Variants in RHOH observed in about 807,000 individuals in gnomAD.
The protein encoded by RHOH is ras homolog family member H, also known as rho-related GTP-binding protein RhoH.
RHOH carries 6 observed loss-of-function variants against 13.8 expected under a neutral mutation model. The ratio of observed to expected loss-of-function variants is 0.44; its 90% CI spans 0.24 to 0.86. The LOEUF is 0.86. Among genes scored for constraint, RHOH ranks in the 40% least tolerant of loss-of-function variants. The pLI, the probability that RHOH is intolerant of heterozygous loss-of-function variation, is 0.24. For missense variants in RHOH, 147 were observed against 244.5 expected, an observed-to-expected ratio of 0.60 and a Z score of 2.66; for synonymous variants, 117 against 103.0, an observed-to-expected ratio of 1.14 and a Z score of -0.82.
At chr4:40,235,995 A>G (rs1728527849) in intron 1 of RHOH, among the ~76,000 whole-genome samples, 2 of 115,122 alleles carry the variant, frequency 1.7e-5, no homozygotes, top group South Asian at 2.5e-4. Flanking sequence ...GAAAAAAAAA[A>G]AAAGAAAAAA....
intron 1 of RHOH, among the ~76,000 whole-genome samples, chr4:40,203,555 AGTGTGT>A: frequency 6.6e-6 from 1 of 150,606 alleles, no homozygotes; most frequent in Admixed American, 6.6e-5. Flanking sequence ...AGAGAGAGAG[AGTGTGT>A]GTGTGTGTGT....
intron 1 of RHOH, among the ~76,000 whole-genome samples, chr4:40,199,922 C>A (rs372638884): frequency 2.6e-5 from 4 of 152,180 alleles, no homozygotes; most frequent in African/African-American, 9.7e-5. Context: ...ATCCACCTGG[C>A]ATGTTAATTG....
In RHOH at chr4:40,243,969, A is replaced by G. The variant is rs1377180527; in HGVS notation, c.*7A>G. The G allele has an allele frequency of 6.2e-6, 10 of 1,603,348 alleles. No individual in the cohort carries two copies. The highest frequency in any genetic ancestry group is 8.5e-6 in the Non-Finnish European group (10 of 1,173,850). ...TGAGTGCAAGATCTTCTAAACCCCAAGAGACTTCACACAACACTTATGTAT... is the reference window on the plus strand; with the variant it reads ...TGAGTGCAAGATCTTCTAAACCCCAGGAGACTTCACACAACACTTATGTAT... On this transcript the variant is annotated 3_prime_UTR_variant, in exon 3 of 3. Coordinates refer to ENST00000381799, the MANE Select transcript of RHOH (RefSeq NM_004310.5). The surrounding 1 kb of genome is among the most constrained non-coding windows in gnomAD (Gnocchi z 6.2).
chr4:40,238,147 A>G (rs544142464), intron 1 of RHOH, among the ~76,000 whole-genome samples: 2 of 151,768 alleles, frequency 1.3e-5, no homozygotes, highest in Non-Finnish European at 1.5e-5. Context: ...TCAAATGTAC[A>G]TAGAGGTATT....
Position 40,197,277 on chromosome 4 carries a change from C to G in RHOH, c.-354C>G, listed in dbSNP as rs185251479. 5 of 152,348 alleles carry G rather than the reference C, an allele frequency of 3.3e-5. No individual in the cohort carries two copies. Among genetic ancestry groups the G allele is most frequent in the African/African-American group, 1.2e-4 (5 of 41,576 alleles). The allele number at this position is 152,348 out of a possible 1,614,324, so 9.4% of individuals were successfully genotyped here. On this transcript the variant is annotated 5_prime_UTR_variant, in exon 1 of 3. Coordinates refer to ENST00000381799, the MANE Select transcript of RHOH (RefSeq NM_004310.5). ...GGAGTCAGTCATTTTACTGTCAAGA[C>G]ATTTCTTCGGCATTCTGCAACAGGT...
At chr4:40,220,465 G>A (rs1252986871) in intron 1 of RHOH, among the ~76,000 whole-genome samples, 1 of 151,998 alleles carries the variant, frequency 6.6e-6, no homozygotes, top group Non-Finnish European at 1.5e-5. Flanking sequence ...TATTCTCTGA[G>A]GTCCTAGCTA....
chr4:40,229,295 G>C (rs1156843226), intron 1 of RHOH, among the ~76,000 whole-genome samples: 1 of 152,066 alleles, frequency 6.6e-6, no homozygotes, highest in East Asian at 1.9e-4. Flanking sequence ...TTTCTCTTTT[G>C]GTGATGCTTT....
chr4:40,230,624 G>A (rs1727818918), intron 1 of RHOH, among the ~76,000 whole-genome samples: 1 of 151,744 alleles, frequency 6.6e-6, no homozygotes, highest in Non-Finnish European at 1.5e-5. Context: ...CTCCCAAAGT[G>A]CTGGGATTAC....
intron 1 of RHOH, among the ~76,000 whole-genome samples, chr4:40,228,233 G>A (rs1183974035): frequency 6.6e-6 from 1 of 151,844 alleles, no homozygotes; most frequent in African/African-American, 2.4e-5. Context: ...ATAAAGTATG[G>A]TATTCTTAGT....
At chr4:40,193,144 A>C (rs1722777448), upstream of RHOH, 1 of 152,400 alleles carries the variant, frequency 6.6e-6, no homozygotes, top group African/African-American at 2.4e-5. Context: ...TGGCCGTGTT[A>C]ACACGACGTG....
At chr4:40,227,630 G>A (rs1727411481) in intron 1 of RHOH, among the ~76,000 whole-genome samples, 1 of 152,032 alleles carries the variant, frequency 6.6e-6, no homozygotes, top group South Asian at 2.1e-4. Context: ...GGAATCTGGG[G>A]AATTCCCAGA....
upstream of RHOH, among the ~76,000 whole-genome samples, chr4:40,194,772 C>T (rs1007350214): frequency 5.9e-5 from 9 of 152,192 alleles, no homozygotes; most frequent in African/African-American, 1.7e-4. Context: ...CTCTCCCTGC[C>T]GCACACCCTG....
chr4:40,205,360 A>G (rs1436157469), intron 1 of RHOH, among the ~76,000 whole-genome samples: 1 of 152,214 alleles, frequency 6.6e-6, no homozygotes, highest in Non-Finnish European at 1.5e-5. Context: ...TAAGCAACGT[A>G]CTGGATACCC....
chr4:40,194,254 C>T (rs115854826), upstream of RHOH, among the ~76,000 whole-genome samples: 2,104 of 152,012 alleles, frequency 0.014, 38 homozygotes, highest in African/African-American at 0.048. Context: ...TTTAGGCTGA[C>T]GTCTCACTCT....
chr4:40,194,399 T>G (rs1360466080), upstream of RHOH, among the ~76,000 whole-genome samples: 3 of 152,070 alleles, frequency 2.0e-5, no homozygotes, highest in African/African-American at 7.2e-5. Flanking sequence ...TGGCTAATTT[T>G]TGTATTTTTA....
At chr4:40,222,821 T>C (rs961137646) in intron 1 of RHOH, among the ~76,000 whole-genome samples, 1 of 152,226 alleles carries the variant, frequency 6.6e-6, no homozygotes, top group African/African-American at 2.4e-5. Flanking sequence ...CTAGGCAAAG[T>C]AAATTTAAAA....
chr4:40,226,741 A>G (rs1579301977), intron 1 of RHOH, among the ~76,000 whole-genome samples: 1 of 152,352 alleles, frequency 6.6e-6, no homozygotes, highest in South Asian at 2.1e-4. Context: ...CTGCAAGTTA[A>G]GGGGTTATCC....
chr4:40,202,029 C>G (rs983675898), intron 1 of RHOH, among the ~76,000 whole-genome samples: 5 of 147,640 alleles, frequency 3.4e-5, no homozygotes, highest in African/African-American at 1.3e-4. Flanking sequence ...ACAGCTCACT[C>G]AGCCTTGACC....
chr4:40,191,407 T>C (rs1722703851), upstream of RHOH: 1 of 152,226 alleles, frequency 6.6e-6, no homozygotes, highest in Admixed American at 6.5e-5. Context: ...ATACTGGTTT[T>C]GTTTTGTAGT....
Sources: allele counts gnomAD v4.1 joint callset (sites outside exome capture counted in the v4.1 genomes callset), GRCh38; gene constraint gnomAD v4.1.1; non-coding constraint Gnocchi (gnomAD v3.1); transcripts MANE v1.5; gene names NCBI Gene and HGNC (gene_info 2026-07-23, HGNC 2026-07-21).